STX8: variants seen among roughly 807,000 people sequenced by gnomAD.
STX8 encodes the protein syntaxin 8, also known as syntaxin-8.
In STX8, 23 loss-of-function variants were observed where a neutral mutation model predicts 37.5. That is an observed-to-expected ratio of 0.61 (90% CI 0.44 to 0.87). The LOEUF is 0.87. STX8 is among the 40% of genes least tolerant of loss of function. The pLI is 0.00. For synonymous variants in STX8, 115 were observed against 99.1 expected, an observed-to-expected ratio of 1.16 and a Z score of -0.95; for missense variants, 313 against 284.7, an observed-to-expected ratio of 1.10 and a Z score of -0.71.
At position 9,513,862 on chromosome 17, in the gene STX8, T is replaced by C. The variant is rs146917018; in HGVS notation, c.324-8700A>G. On this transcript the variant is annotated intron_variant, in intron 4 of 7. Transcript: ENST00000306357. ...ATAAAAAAGAATAAAATCCTGCCAT[T>C]CACAGCAACATGGATGGAGCTGGAG... Among the ~76,000 whole-genome samples the C allele has an allele frequency of 1.3e-3, 202 of 152,332 alleles. 1 individual carries two copies. The highest frequency in any genetic ancestry group is 4.4e-3 in the African/African-American group (182 of 41,566).
At chr17:9,292,696 CCTGGCCCTGGCTTACT>C (rs1325342194) in intron 7 of STX8, among the ~76,000 whole-genome samples, 1 of 152,224 alleles carries the variant, frequency 6.6e-6, no homozygotes, top group Non-Finnish European at 1.5e-5. Context: ...AGCTCACAGT[CCTGGCCCTGGCTTACT>C]AGGGCTTGCA....
chr17:9,486,337 C>T (rs2142465371), intron 6 of STX8, among the ~76,000 whole-genome samples: 1 of 152,266 alleles, frequency 6.6e-6, no homozygotes, highest in South Asian at 2.1e-4. Context: ...GTCAGGGAAA[C>T]ATCCAAAAGG....
intron 6 of STX8, among the ~76,000 whole-genome samples, chr17:9,484,282 A>G (rs1203984696): frequency 6.6e-6 from 1 of 152,060 alleles, no homozygotes; most frequent in Non-Finnish European, 1.5e-5. Context: ...AGTAAATGTC[A>G]ATCAGTCAGT....
intron 6 of STX8, among the ~76,000 whole-genome samples, chr17:9,460,554 T>C (rs148571085): frequency 0.05 from 7,634 of 151,258 alleles, 245 homozygotes; most frequent in Middle Eastern, 0.088. Context: ...GCGCCTGTAG[T>C]CCCAGCTACT....
intron 7 of STX8, among the ~76,000 whole-genome samples, chr17:9,317,536 C>T (rs368036331): frequency 7.2e-5 from 11 of 152,230 alleles, no homozygotes; most frequent in East Asian, 3.9e-4. Flanking sequence ...GAGGCTGAGG[C>T]GGGCAGATCA....
chr17:9,556,415 T>C (rs937687992), intron 3 of STX8, among the ~76,000 whole-genome samples: 1 of 152,086 alleles, frequency 6.6e-6, no homozygotes, highest in Non-Finnish European at 1.5e-5. Context: ...TCACGTATAT[T>C]TTCCTAAATT....
Position 9,429,965 on chromosome 17 carries a change from ATT to A in STX8, c.542-51314_542-51313del, listed in dbSNP as rs1225577920. Among the ~76,000 whole-genome samples the A allele has an allele frequency of 1.1e-3, 2 of 1,882 alleles. 1 individual carries two copies. The highest frequency in any genetic ancestry group is 1.4e-3 in the Non-Finnish European group (2 of 1,424). 1.2% of individuals were successfully genotyped at this position (1,882 alleles called of 152,430 possible). ...AGAATATATTATATATAATATATAT[ATT>A]ATATATTATATAGAATATATTATAT... On this transcript the variant is annotated intron_variant, in intron 6 of 7. Transcript: ENST00000306357.
intron 6 of STX8, among the ~76,000 whole-genome samples, chr17:9,480,912 C>G (rs1460802412): frequency 6.8e-6 from 1 of 146,258 alleles, no homozygotes; most frequent in African/African-American, 2.8e-5. Flanking sequence ...TGAGGTGGAG[C>G]CTTGCTCTGT....
intron 7 of STX8, among the ~76,000 whole-genome samples, chr17:9,301,796 T>C (rs992660835): frequency 1.3e-5 from 2 of 152,190 alleles, no homozygotes; most frequent in Admixed American, 6.5e-5. Flanking sequence ...GCCAGTGCTT[T>C]ACTTTTTAAA....
chr17:9,543,317 G>C (rs551289909), intron 4 of STX8, among the ~76,000 whole-genome samples: 1 of 143,072 alleles, frequency 7.0e-6, no homozygotes, highest in East Asian at 2.0e-4. Flanking sequence ...TTTTTGAGAC[G>C]GAGTCTTGCT....
rs887270394 is a variant in STX8, at chr17:9,507,535, G to C, written c.324-2373C>G. On this transcript the variant is annotated intron_variant, in intron 4 of 7. Transcript: ENST00000306357. The surrounding 1 kb of genome is among the most constrained non-coding windows in gnomAD (Gnocchi z 4.0). ...TTCCCCACAGGAGAGCTGAGCAGCA[G>C]TGTGCCCATGTCCCAAACCTGAGAA... 3.3e-5 allele frequency among the ~76,000 whole-genome samples: 5 copies of C among 152,182 alleles called. No individual in the cohort carries two copies. Among genetic ancestry groups the C allele is most frequent in the African/African-American group, 1.2e-4 (5 of 41,438 alleles).
At chr17:9,524,620 C>T (rs1905486952) in intron 4 of STX8, among the ~76,000 whole-genome samples, 1 of 152,194 alleles carries the variant, frequency 6.6e-6, no homozygotes, top group Non-Finnish European at 1.5e-5. Flanking sequence ...ATGAATAATG[C>T]ATACCATTCA....
chr17:9,400,957 G>A (rs1340651425), intron 6 of STX8, among the ~76,000 whole-genome samples: 1 of 152,074 alleles, frequency 6.6e-6, no homozygotes, highest in Non-Finnish European at 1.5e-5. Context: ...AGCTTCTAGA[G>A]AATCTCTCAT....
rs1910106944 is a variant in STX8 at position 9,335,537 on chromosome 17, G to T, written c.643+43015C>A. 3.3e-5 allele frequency among the ~76,000 whole-genome samples: 5 copies of T among 152,008 alleles called. No homozygotes were observed. In the East Asian group the frequency reaches 9.7e-4, roughly 29 times the overall value. On this transcript the variant is annotated intron_variant, in intron 7 of 7. Coordinates refer to ENST00000306357, the MANE Select transcript of STX8 (RefSeq NM_004853.3). ...AGACATTCAAACCACAGCACATGTAGACACGCTATATGCATTCATAGAAAA... is the reference window on the plus strand; with the variant it reads ...AGACATTCAAACCACAGCACATGTATACACGCTATATGCATTCATAGAAAA...
chr17:9,268,963 G>A (rs986761508), intron 7 of STX8, among the ~76,000 whole-genome samples: 35 of 152,036 alleles, frequency 2.3e-4, no homozygotes, highest in African/African-American at 6.8e-4. Flanking sequence ...TGAGGCGGGC[G>A]GATCATGAAG....
At chr17:9,282,325 G>A (rs1907916215) in intron 7 of STX8, among the ~76,000 whole-genome samples, 1 of 152,098 alleles carries the variant, frequency 6.6e-6, no homozygotes, top group African/African-American at 2.4e-5. Flanking sequence ...GTAGAGACAG[G>A]GTTTCACCGT....
chr17:9,467,686 G>T (rs2142431551), intron 6 of STX8, among the ~76,000 whole-genome samples: 1 of 152,316 alleles, frequency 6.6e-6, no homozygotes, highest in East Asian at 1.9e-4. Flanking sequence ...CCTTTCCCCT[G>T]AAGAGGGCGT....
At position 9,428,042 on chromosome 17, in the gene STX8, T is replaced by C. The variant is rs190709346; in HGVS notation, c.542-49389A>G. Among the ~76,000 whole-genome samples, 443 of 152,240 alleles carry C rather than the reference T, an allele frequency of 2.9e-3. 2 individuals are homozygous for C. The highest frequency in any genetic ancestry group is 6.8e-3 in the South Asian group (33 of 4,820). On this transcript the variant is annotated intron_variant, in intron 6 of 7. Coordinates refer to ENST00000306357, the MANE Select transcript of STX8 (RefSeq NM_004853.3). ...ACCCAAGGGCTGTAGCACACAGAAC[T>C]GCACTCCTAGGACCAGTGGCTGCTG...
chr17:9,428,440 C>T (rs1396941956), intron 6 of STX8, among the ~76,000 whole-genome samples: 3 of 152,182 alleles, frequency 2.0e-5, no homozygotes, highest in African/African-American at 7.2e-5. Flanking sequence ...CGGGGTTTCA[C>T]CGTGTTAGCC....
Sources: gnomAD v4.1 joint callset for allele counts (sites outside exome capture counted in the v4.1 genomes callset) on GRCh38, gnomAD v4.1.1 for gene constraint, Gnocchi (gnomAD v3.1) non-coding constraint, MANE v1.5 for transcripts, NCBI Gene and HGNC (gene_info 2026-07-23, HGNC 2026-07-21) for gene names.